ZNF600: variants seen among roughly 807,000 people sequenced by gnomAD.
ZNF600 encodes zinc finger protein 600.
ZNF600 carries 4 observed loss-of-function variants against 7.3 expected under a neutral mutation model. The ratio of observed to expected loss-of-function variants is 0.55; its 90% confidence interval spans 0.27 to 1.25. ZNF600 has a LOEUF of 1.25. Among genes scored for constraint, ZNF600 ranks in the 50% most tolerant of loss-of-function variants. The pLI, the probability that ZNF600 is intolerant of heterozygous loss-of-function variation, is 0.12. For missense variants in ZNF600, 911 were observed against 922.1 expected (o/e 0.99, Z 0.16); for synonymous variants, 290 against 308.9 (o/e 0.94, Z 0.64).
At chr19:52,831,720 G>C in the ZNF600 span, among the ~76,000 whole-genome samples, 3 of 152,068 alleles carry the variant, frequency 2.0e-5, no homozygotes, top group South Asian at 6.3e-4. Flanking sequence ...TAGCCAGGAT[G>C]GTCTCGATCT....
the ZNF600 span, chr19:52,800,510 G>A: frequency 6.2e-7 from 1 of 1,613,626 alleles, no homozygotes; most frequent in Non-Finnish European, 8.5e-7. Context: ...TAAAAACCTT[G>A]CCACATTCAT....
At chr19:52,799,694 T>C in the ZNF600 span, 1 of 1,537,456 alleles carries the variant, frequency 6.5e-7, no homozygotes, top group Non-Finnish European at 9.0e-7. Context: ...ACTTTCAAGG[T>C]TTCTCTCCAC....
the ZNF600 span, among the ~76,000 whole-genome samples, chr19:52,795,813 G>C: frequency 6.6e-6 from 1 of 151,072 alleles, no homozygotes; most frequent in Non-Finnish European, 1.5e-5. Flanking sequence ...TGATCCGCCT[G>C]TTGTGGCCTC....
chr19:52,800,348 A>C, the ZNF600 span: 2 of 1,613,608 alleles, frequency 1.2e-6, no homozygotes, highest in Non-Finnish European at 1.7e-6. Context: ...CCTTGTCACA[A>C]ACCTTACATT....
At chr19:52,784,317 G>A (rs1366297310) in intron 1 of ZNF600, among the ~76,000 whole-genome samples, 1 of 152,162 alleles carries the variant, frequency 6.6e-6, no homozygotes, top group African/African-American at 2.4e-5. Context: ...GAGGGAGGAG[G>A]ATCGCTTGAG....
the ZNF600 span, chr19:52,801,651 T>C: frequency 3.7e-6 from 6 of 1,613,618 alleles, no homozygotes; most frequent in African/African-American, 1.3e-5. Flanking sequence ...CGCTTCTGTA[T>C]TGCCTTGCCC....
intron 2 of ZNF600, among the ~76,000 whole-genome samples, chr19:52,777,614 G>A (rs575637826): frequency 2.6e-4 from 40 of 152,162 alleles, no homozygotes; most frequent in Admixed American, 7.9e-4. Context: ...GGCAGATCAT[G>A]AGGTCAGGAG....
At chr19:52,827,670 G>A in the ZNF600 span, among the ~76,000 whole-genome samples, 22 of 150,452 alleles carry the variant, frequency 1.5e-4, no homozygotes, top group East Asian at 3.3e-3. Context: ...TCAGCCTCCC[G>A]AGTAGCTGGG....
chr19:52,767,469 G>A, exon 4 of ZNF600: 1 of 1,614,150 alleles, frequency 6.2e-7, no homozygotes, highest in Non-Finnish European at 8.5e-7. Context: ...GTGGAGTTCA[G>A]GCAGATGTGA....
the ZNF600 span, chr19:52,797,728 A>G: frequency 1.3e-5 from 2 of 152,964 alleles, no homozygotes; most frequent in Admixed American, 1.3e-4. Context: ...CATACAATCC[A>G]TACTGATTGG....
the ZNF600 span, among the ~76,000 whole-genome samples, chr19:52,802,571 G>T: frequency 6.6e-5 from 10 of 151,954 alleles, no homozygotes; most frequent in East Asian, 1.9e-3. Context: ...CAGCTACTTG[G>T]GAGGCTGAGT....
chr19:52,823,852 C>T, the ZNF600 span, among the ~76,000 whole-genome samples: 1 of 152,130 alleles, frequency 6.6e-6, no homozygotes, highest in East Asian at 1.9e-4. Context: ...GGCCTGAGGT[C>T]GGAAGTTGGA....
chr19:52,783,153 G>A (rs890860293), intron 1 of ZNF600, among the ~76,000 whole-genome samples: 2 of 151,562 alleles, frequency 1.3e-5, no homozygotes, highest in African/African-American at 4.8e-5. Context: ...TGCCTCTGAC[G>A]CCATCATTAT....
intron 1 of ZNF600, among the ~76,000 whole-genome samples, chr19:52,784,112 G>A (rs1271577543): frequency 9.2e-5 from 14 of 152,122 alleles, no homozygotes; most frequent in Non-Finnish European, 1.9e-4. Flanking sequence ...AGGTAGGCCC[G>A]GCATGGCGGC....
At chr19:52,824,490 C>T in the ZNF600 span, among the ~76,000 whole-genome samples, 47 of 152,130 alleles carry the variant, frequency 3.1e-4, no homozygotes, top group African/African-American at 9.9e-4. Flanking sequence ...CAAAAATTAG[C>T]GAGGTGTGGT....
chr19:52,806,238 T>C, the ZNF600 span, among the ~76,000 whole-genome samples: 4 of 152,032 alleles, frequency 2.6e-5, no homozygotes, highest in African/African-American at 9.6e-5. Flanking sequence ...CTGTCTCCCA[T>C]GCTGGAGTGC....
chr19:52,770,757 T>A (rs112798250), intron 3 of ZNF600, among the ~76,000 whole-genome samples: 184 of 152,274 alleles, frequency 1.2e-3, no homozygotes, highest in Non-Finnish European at 2.1e-3. Flanking sequence ...GTTCCTGCAG[T>A]TGGGGTCTTT....
At chr19:52,768,548 T>G (rs955392134) in intron 3 of ZNF600, among the ~76,000 whole-genome samples, 6 of 151,940 alleles carry the variant, frequency 3.9e-5, no homozygotes, top group African/African-American at 1.5e-4. Flanking sequence ...TTTCAAAAAA[T>G]TTTTGTATTT....
chr19:52,803,485 T>C, the ZNF600 span, among the ~76,000 whole-genome samples: 1 of 152,060 alleles, frequency 6.6e-6, no homozygotes, highest in Non-Finnish European at 1.5e-5. Context: ...TTGCAACCCA[T>C]GATAAAACAA....
Sources: gnomAD v4.1 joint callset for allele counts (sites outside exome capture counted in the v4.1 genomes callset) on GRCh38, gnomAD v4.1.1 for gene constraint, MANE v1.5 for transcripts, NCBI Gene and HGNC (gene_info 2026-07-23, HGNC 2026-07-21) for gene names.